The following ZNF423 variants were observed in gnomAD, a reference collection of about 807,000 sequenced individuals.
ZNF423 encodes Ebf-associated zinc finger protein.
A neutral mutation model predicts 95.8 loss-of-function variants in ZNF423; 12 were observed. That is an observed-to-expected ratio of 0.13 (90% CI 0.08 to 0.20). ZNF423 has a LOEUF of 0.20. ZNF423 is among the 10% of genes least tolerant of loss of function. The pLI is 1.00. For synonymous variants in ZNF423, 749 were observed against 711.9 expected (o/e 1.05, Z -0.83); for missense variants, 1,316 against 1,737.1 (o/e 0.76, Z 4.31).
intron 2 of ZNF423, among the ~76,000 whole-genome samples, chr16:49,757,496 G>A (rs2033749108): frequency 6.6e-6 from 1 of 152,244 alleles, no homozygotes; most frequent in Non-Finnish European, 1.5e-5. Context: ...GCACCTGCAT[G>A]GTGAGGACTG....
chr16:49,523,373 C>T (rs780803702), intron 7 of ZNF423, among the ~76,000 whole-genome samples: 3 of 152,222 alleles, frequency 2.0e-5, no homozygotes, highest in East Asian at 1.9e-4. Flanking sequence ...GGACTTGCCA[C>T]GAAACACCTC....
chr16:49,518,605 C>A (rs1480386949), intron 7 of ZNF423: 21 of 421,260 alleles, frequency 5.0e-5, no homozygotes, highest in Non-Finnish European at 9.2e-5. Context: ...AAAAAGTCTC[C>A]CCTATTTCTT....
chr16:49,854,031 T>C (rs1328602301), intron 1 of ZNF423: 1 of 985,048 alleles, frequency 1.0e-6, no homozygotes, highest in East Asian at 1.1e-4. Context: ...AGAAAAGAAA[T>C]CCAGTATTAT....
chr16:49,787,252 A>G (rs908859447), intron 2 of ZNF423, among the ~76,000 whole-genome samples: 1 of 152,316 alleles, frequency 6.6e-6, no homozygotes, highest in Non-Finnish European at 1.5e-5. Flanking sequence ...TAGAACTGGG[A>G]AGGAAAATTT....
chr16:49,625,629 T>A (rs77547430), intron 5 of ZNF423, among the ~76,000 whole-genome samples: 319 of 152,292 alleles, frequency 2.1e-3, no homozygotes, highest in South Asian at 6.0e-3. Flanking sequence ...TAGAGGGGAC[T>A]TCACAGCTTC....
chr16:49,597,151 A>C (rs1223672808), intron 5 of ZNF423, among the ~76,000 whole-genome samples: 1 of 152,108 alleles, frequency 6.6e-6, no homozygotes, highest in Non-Finnish European at 1.5e-5. Context: ...CAAACCACAA[A>C]AAGAGTAACG....
chr16:49,856,622 C>T (rs967268199), upstream of ZNF423, among the ~76,000 whole-genome samples: 8 of 151,350 alleles, frequency 5.3e-5, no homozygotes, highest in African/African-American at 1.9e-4. Flanking sequence ...CTCGGGGCCC[C>T]TGGCTCACGC....
At chr16:49,843,133 A>G (rs778022426) in intron 1 of ZNF423, among the ~76,000 whole-genome samples, 8 of 152,190 alleles carry the variant, frequency 5.3e-5, no homozygotes, top group South Asian at 2.1e-4. Flanking sequence ...TTTCGAGTGA[A>G]TACCCTTTGA....
At chr16:49,821,217 C>T (rs190926580) in intron 1 of ZNF423, among the ~76,000 whole-genome samples, 23 of 143,290 alleles carry the variant, frequency 1.6e-4, no homozygotes, top group South Asian at 4.9e-4. Context: ...GCTACCCAGA[C>T]GCGGAGGAAA....
chr16:49,748,705 T>C (rs913740665), intron 2 of ZNF423, among the ~76,000 whole-genome samples: 1 of 152,186 alleles, frequency 6.6e-6, no homozygotes, highest in African/African-American at 2.4e-5. Context: ...CGAAGCCCCT[T>C]TTCCGTGCAG....
At chr16:49,666,728 AG>A (rs1251266467) in intron 3 of ZNF423, among the ~76,000 whole-genome samples, 4 of 152,194 alleles carry the variant, frequency 2.6e-5, no homozygotes, top group Non-Finnish European at 4.4e-5. Context: ...ACCCCCAGGG[AG>A]GGCCGCTGGG....
At chr16:49,743,277 C>A (rs1429074799) in intron 2 of ZNF423, among the ~76,000 whole-genome samples, 3 of 152,174 alleles carry the variant, frequency 2.0e-5, no homozygotes, top group Non-Finnish European at 4.4e-5. Context: ...ATCTGCACCC[C>A]CACAGGGTCA....
chr16:49,678,763 T>C (rs1042286997), intron 3 of ZNF423, among the ~76,000 whole-genome samples: 2 of 152,262 alleles, frequency 1.3e-5, no homozygotes, highest in Admixed American at 6.5e-5. Context: ...ACAGAGGTCC[T>C]GTAGGTTAGC....
At chr16:49,655,777 G>C (rs2029870097) in intron 3 of ZNF423, among the ~76,000 whole-genome samples, 1 of 152,204 alleles carries the variant, frequency 6.6e-6, no homozygotes, top group Non-Finnish European at 1.5e-5. Flanking sequence ...CAGGAGGGGA[G>C]TGTGGAAGCC....
chr16:49,754,002 G>C (rs1020379514), intron 2 of ZNF423, among the ~76,000 whole-genome samples: 4 of 149,704 alleles, frequency 2.7e-5, no homozygotes, highest in Non-Finnish European at 5.9e-5. Flanking sequence ...CTACACTCCA[G>C]CCTGGGCGAC....
chr16:49,790,007 C>G (rs868258484), intron 1 of ZNF423, among the ~76,000 whole-genome samples: 4 of 152,120 alleles, frequency 2.6e-5, no homozygotes, highest in South Asian at 2.1e-4. Flanking sequence ...AGCCTCCCCC[C>G]CATTCCACCC....
chr16:49,732,953 A>G (rs921625141), intron 2 of ZNF423, among the ~76,000 whole-genome samples: 4 of 152,222 alleles, frequency 2.6e-5, no homozygotes, highest in Non-Finnish European at 2.9e-5. Flanking sequence ...CTCTCTTCTT[A>G]CCAATTAAGG....
chr16:49,846,255 G>A lies in ZNF423; in HGVS notation c.40+9480C>T, dbSNP rs150053767. Among the ~76,000 whole-genome samples the A allele has an allele frequency of 5.3e-3, 787 of 147,118 alleles. 9 individuals carry two copies. The highest frequency in any genetic ancestry group is 0.018 in the Admixed American group (258 of 14,588). ...GTGGGGGCTGCAATGAGCCAAGATC[G>A]TGCCACTGCACTCCAGCCTGGCTGA... On this transcript the variant is annotated intron_variant, in intron 1 of 7. Coordinates refer to ENST00000563137, the MANE Select transcript of ZNF423 (RefSeq NM_001379286.1).
At chr16:49,506,253 T>A (rs1332884817) in intron 7 of ZNF423, among the ~76,000 whole-genome samples, 1 of 152,174 alleles carries the variant, frequency 6.6e-6, no homozygotes, top group East Asian at 1.9e-4. Context: ...GGGAGATGGA[T>A]GGTAGATGAT....
Sources: gnomAD v4.1 joint callset for allele counts (sites outside exome capture counted in the v4.1 genomes callset) on GRCh38, gnomAD v4.1.1 for gene constraint, MANE v1.5 for transcripts, NCBI Gene and HGNC (gene_info 2026-07-23, HGNC 2026-07-21) for gene names.